Variants in PML observed in about 807,000 individuals in gnomAD.
PML encodes the protein PML nuclear body scaffold, also known as protein PML.
In PML, 28 loss-of-function variants were observed where a neutral mutation model predicts 65.2. The ratio of observed to expected loss-of-function variants is 0.43; its 90% CI spans 0.32 to 0.59. PML has a LOEUF of 0.59. PML is among the 20% of genes least tolerant of loss of function. PML has a pLI of 0.08. For missense variants in PML, 1,021 were observed against 1,203.4 expected (o/e 0.85, Z 2.24); for synonymous variants, 500 against 508.8 (o/e 0.98, Z 0.23).
chr15:74,023,005 G>A lies in PML; in HGVS notation c.780G>A (p.Gln260=). 1 of 1,608,722 alleles carries A rather than the reference G, an allele frequency of 6.2e-7. No homozygotes were observed. Among genetic ancestry groups the A allele is most frequent in the Non-Finnish European group, 8.5e-7 (1 of 1,178,794 alleles). ...GTGCCTTTGGCGCGGTTCACGCGCA[G>A]ATGCACGCGGCCGTCGGCCAGCTGG... is the stretch of plus-strand genomic sequence containing the variant. The part of the protein sequence containing the change: ...QDSAFGAVHA[Q]MHAAVGQLGR... Residue 260 remains glutamine, a synonymous_variant, in exon 3 of 9, where the codon CAG becomes CAA. Coordinates refer to ENST00000268058, the MANE Select transcript of PML (RefSeq NM_033238.3).
chr15:73,997,152 G>A (rs1380285329), intron 1 of PML, among the ~76,000 whole-genome samples: 2 of 152,154 alleles, frequency 1.3e-5, no homozygotes, highest in Admixed American at 1.3e-4. Context: ...CCAACCAGAC[G>A]TACTTTCAAT....
At chr15:74,030,413 C>T (rs1386064013) in intron 4 of PML, among the ~76,000 whole-genome samples, 1 of 152,172 alleles carries the variant, frequency 6.6e-6, no homozygotes, top group Non-Finnish European at 1.5e-5. Context: ...CTTTGGGAGG[C>T]CGAGGCGGGT....
At chr15:74,032,432 G>T in intron 4 of PML, 140 bp from the exon 5 acceptor site, 1 of 866,238 alleles carries the variant, frequency 1.2e-6, no homozygotes, top group Non-Finnish European at 1.9e-6. Flanking sequence ...CTTGTCCCCA[G>T]TGAGCTCGGA....
At chr15:74,036,794 G>A (rs1206361859) in intron 7 of PML, among the ~76,000 whole-genome samples, 1 of 152,112 alleles carries the variant, frequency 6.6e-6, no homozygotes, top group African/African-American at 2.4e-5. Flanking sequence ...TAACCTCTCA[G>A]GGGTTGTCAC....
At chr15:73,995,479 G>A (rs1416296467) in intron 1 of PML, among the ~76,000 whole-genome samples, 1 of 152,162 alleles carries the variant, frequency 6.6e-6, no homozygotes, top group East Asian at 1.9e-4. Context: ...CCCTTCTCTT[G>A]CCACACCTTT....
At position 74,030,754 on chromosome 15, in the gene PML, C is replaced by T. The variant is rs544212482; in HGVS notation, c.1255-1818C>T. 7.9e-5 allele frequency among the ~76,000 whole-genome samples: 12 copies of T among 152,168 alleles called. No individual in the cohort carries two copies. In the East Asian group the frequency reaches 2.1e-3, roughly 27 times the overall value. ...AAATCACTTCACCTCTCTCTGCCTC[C>T]GTTTCCTTCTCTGAAGATTGGCAAT... is the stretch of plus-strand genomic sequence containing the variant. On this transcript the variant is annotated intron_variant, in intron 4 of 8. Transcript: ENST00000268058.
Position 74,044,520 on chromosome 15 carries a change from G to T in PML, c.2161G>T (p.Ala721Ser). ...LPLIRERVPG[A>S]SSFKLKNLAQ... ...TCTCATCCGGGAGCGTGTGCCCGGG[G>T]CCAGCAGCTTCAAACTCAAGAACCT... Residue 721 changes from alanine (A) to serine (S), a missense_variant, in exon 9 of 9, where the codon GCC (alanine) becomes TCC (serine). Transcript: ENST00000268058. 6.2e-7 allele frequency: 1 copy of T among 1,613,932 alleles called. No homozygotes were observed. Among genetic ancestry groups the T allele is most frequent in the Non-Finnish European group, 8.5e-7 (1 of 1,180,020 alleles).
intron 7 of PML, 174 bp downstream of exon 7, chr15:74,034,704 G>A: frequency 6.5e-7 from 1 of 1,531,850 alleles, no homozygotes. Flanking sequence ...CTGCATGCCT[G>A]GACCACCCCA....
At chr15:74,006,109 G>A (rs1273377458) in intron 2 of PML, among the ~76,000 whole-genome samples, 1 of 152,196 alleles carries the variant, frequency 6.6e-6, no homozygotes, top group African/African-American at 2.4e-5. Context: ...GAGAAAAGCA[G>A]GCTGGGTGCT....
chr15:74,035,225 G>A lies in PML; in HGVS notation c.1710+695G>A, dbSNP rs1242294995. The A allele has an allele frequency of 3.2e-6, 5 of 1,573,512 alleles. No homozygotes were observed. Among genetic ancestry groups the A allele is most frequent in the Admixed American group, 3.3e-5 (2 of 59,882 alleles). On this transcript the variant is annotated intron_variant, in intron 7 of 8. Coordinates refer to ENST00000268058, the MANE Select transcript of PML (RefSeq NM_033238.3). The surrounding 1 kb of genome is among the most constrained non-coding windows in gnomAD (Gnocchi z 4.1). Reference sequence around the variant, plus strand: ...CACAGTCCTCGCCAGCCCACTCCTCGCCAGCCCACTCCTCGCCAGCCCACT... The same window carrying A: ...CACAGTCCTCGCCAGCCCACTCCTCACCAGCCCACTCCTCGCCAGCCCACT...
intron 6 of PML, chr15:74,034,069 G>C: frequency 2.9e-6 from 1 of 349,338 alleles, no homozygotes; most frequent in Non-Finnish European, 5.4e-6. Flanking sequence ...ATTGGTAATC[G>C]ATGGGTTTTG....
At position 74,043,454 on chromosome 15, in the gene PML, A is replaced by C; in HGVS notation, c.1861+315A>C. 1 of 1,270,528 alleles carries C rather than the reference A, an allele frequency of 7.9e-7. No individual in the cohort carries two copies. Among genetic ancestry groups the C allele is most frequent in the Non-Finnish European group, 1.0e-6 (1 of 968,754 alleles). 78.7% of individuals were successfully genotyped at this position (1,270,528 alleles called of 1,614,324 possible). A position where few individuals can be genotyped will look rare whatever the true frequency, so the allele number is the denominator to read the frequency against. On this transcript the variant is annotated intron_variant, in intron 8 of 8. Coordinates refer to ENST00000268058, the MANE Select transcript of PML (RefSeq NM_033238.3). This position sits in a 1 kb window ranked among gnomAD's most constrained non-coding sequence, Gnocchi z 4.3. ...CTCCTAGACAGAAACACAATGCGTG[A>C]GCTCATTGCCGTGAGCCCTGTCATC...
intron 2 of PML, among the ~76,000 whole-genome samples, chr15:74,019,386 C>G (rs1403008195): frequency 6.6e-6 from 1 of 152,214 alleles, no homozygotes; most frequent in Non-Finnish European, 1.5e-5. Flanking sequence ...TTCTTATTCT[C>G]TTCCCTTTAT....
chr15:73,998,578 C>A, intron 2 of PML, 102 bp downstream of exon 2: 2 of 1,017,090 alleles, frequency 2.0e-6, no homozygotes, highest in South Asian at 1.4e-5. Context: ...CAAGGAGCTT[C>A]TGGGGCCTTG....
intron 4 of PML, chr15:74,025,289 T>A (rs1052468519): frequency 2.9e-6 from 1 of 348,210 alleles, no homozygotes; most frequent in African/African-American, 2.1e-5. Context: ...TTGTCAGATG[T>A]ATGGTTAGAT....
chr15:74,016,091 A>G (rs1304479159), intron 2 of PML, among the ~76,000 whole-genome samples: 1 of 152,172 alleles, frequency 6.6e-6, no homozygotes, highest in Non-Finnish European at 1.5e-5. Flanking sequence ...ATCCTGGCCA[A>G]CATGGTGAAA....
At chr15:74,018,226 G>C (rs1283864326) in intron 2 of PML, among the ~76,000 whole-genome samples, 2 of 151,402 alleles carry the variant, frequency 1.3e-5, no homozygotes, top group African/African-American at 4.9e-5. Context: ...GGGAGGCTGA[G>C]GCACAAGAAT....
In PML at chr15:74,034,628, G is replaced by T. The variant is rs769598989; in HGVS notation, c.1710+98G>T. ...CAGGTGACTCTCAGACTTGCCTTGC[G>T]CCTGGGGAATTTTCCAGTGAGGCAT... On this transcript the variant is annotated intron_variant, in intron 7 of 8. Coordinates refer to ENST00000268058, the MANE Select transcript of PML (RefSeq NM_033238.3). 13 of 1,612,800 alleles carry T rather than the reference G, an allele frequency of 8.1e-6. No homozygotes were observed. In the East Asian group the frequency reaches 2.9e-4, roughly 36 times the overall value.
intron 7 of PML, among the ~76,000 whole-genome samples, chr15:74,041,912 C>A (rs1478170278): frequency 6.6e-6 from 1 of 152,212 alleles, no homozygotes; most frequent in Non-Finnish European, 1.5e-5. Context: ...TGGACTCTGT[C>A]CCAGCCATGC....
Sources: gnomAD v4.1 joint callset for allele counts (sites outside exome capture counted in the v4.1 genomes callset) on GRCh38, gnomAD v4.1.1 for gene constraint, Gnocchi (gnomAD v3.1) non-coding constraint, MANE v1.5 for transcripts, NCBI Gene and HGNC (gene_info 2026-07-23, HGNC 2026-07-21) for gene names.